POLH: variants seen among roughly 807,000 people sequenced by gnomAD.
The protein encoded by POLH is DNA polymerase eta, also known as DNA polymerase eta transcript.
In POLH, 53 loss-of-function variants were observed where a neutral mutation model predicts 73.6. The ratio of observed to expected loss-of-function variants is 0.72; its 90% CI spans 0.58 to 0.91. The LOEUF is 0.91. POLH is among the 40% of genes least tolerant of loss of function. POLH has a pLI of 0.00. For missense variants in POLH, 768 were observed against 865.4 expected (o/e 0.89, Z 1.41); for synonymous variants, 292 against 308.5 (o/e 0.95, Z 0.56).
At chr6:43,580,824 T>C (rs1764033664) in intron 1 of POLH, among the ~76,000 whole-genome samples, 1 of 130,042 alleles carries the variant, frequency 7.7e-6, no homozygotes. Flanking sequence ...GCTCCTCACT[T>C]CCCAGTAGGG....
chr6:43,610,955 A>G (rs983936097), intron 10 of POLH, among the ~76,000 whole-genome samples: 32 of 152,152 alleles, frequency 2.1e-4, no homozygotes, highest in African/African-American at 7.5e-4. Flanking sequence ...GGCCGGGCGC[A>G]GTGGCTCACG....
intron 2 of POLH, 91 bp from the exon 3 acceptor site, chr6:43,582,916 A>G (rs1764445980): frequency 8.8e-7 from 1 of 1,135,882 alleles, no homozygotes; most frequent in Non-Finnish European, 1.3e-6. Context: ...AAAGTTTCTA[A>G]TATGTTTATA....
At position 43,620,064 on chromosome 6, in the gene POLH, T is replaced by C. The variant is rs1046872075; in HGVS notation, c.*5507T>C. The C allele has an allele frequency of 4.4e-5, 13 of 298,084 alleles. No individual in the cohort carries two copies. Among genetic ancestry groups the C allele is most frequent in the South Asian group, 1.6e-4 (6 of 36,392 alleles). 18.5% of individuals were successfully genotyped at this position (298,084 alleles called of 1,614,324 possible). ...CTAAGGTTTGGTCAAGTGGCCCTCA[T>C]TGTTCCAAGAGTAATTTAGGCTATG... On this transcript the variant is annotated 3_prime_UTR_variant, in exon 11 of 11. Transcript: ENST00000372236.
At chr6:43,582,830 A>G (rs1388722290) in intron 2 of POLH, among the ~76,000 whole-genome samples, 177 bp from the exon 3 acceptor site, 2 of 152,168 alleles carry the variant, frequency 1.3e-5, no homozygotes, top group Admixed American at 6.6e-5. Context: ...TGCCAGCATG[A>G]GCTGCTGTGC....
chr6:43,581,066 TGCC>T (rs1764125919), intron 1 of POLH, among the ~76,000 whole-genome samples: 1 of 126,024 alleles, frequency 7.9e-6, no homozygotes, highest in Non-Finnish European at 1.7e-5. Context: ...ATGGGGTGGC[TGCC>T]GGGCGGAGAG....
At chr6:43,600,342 C>T (rs548419010) in intron 5 of POLH, among the ~76,000 whole-genome samples, 3 of 151,952 alleles carry the variant, frequency 2.0e-5, no homozygotes, top group South Asian at 4.2e-4. Context: ...TGTGTGAACC[C>T]GGTGCGGGGG....
chr6:43,582,302 A>T lies in POLH; in HGVS notation c.-4-14A>T, dbSNP rs372271466. 5 of 1,613,432 alleles carry T rather than the reference A, an allele frequency of 3.1e-6. No individual in the cohort carries two copies. The highest frequency in any genetic ancestry group is 4.2e-6 in the Non-Finnish European group (5 of 1,179,326). On this transcript the variant is annotated splice_polypyrimidine_tract_variant and intron_variant, in intron 1 of 10. Coordinates refer to ENST00000372236, the MANE Select transcript of POLH (RefSeq NM_006502.3). ...AGGTGTTTTTCTAACTGTCCATAAA[A>T]TGTTGTGTTACAGAAAAATGGCTAC... is the stretch of plus-strand genomic sequence containing the variant.
rs1768370963 is a variant in POLH at position 43,616,667 on chromosome 6, G to A, written c.*2110G>A. Among the ~76,000 whole-genome samples the A allele has an allele frequency of 6.6e-6, 1 of 151,994 alleles. No homozygotes were observed. Among genetic ancestry groups the A allele is most frequent in the African/African-American group, 2.4e-5 (1 of 41,372 alleles). Reference sequence around the variant, plus strand: ...GATAATACCTTCACCAGATTTACCTGTTTTCAGCTGAAGAATGTGAGATGA... The same window carrying A: ...GATAATACCTTCACCAGATTTACCTATTTTCAGCTGAAGAATGTGAGATGA... On this transcript the variant is annotated 3_prime_UTR_variant, in exon 11 of 11. Transcript: ENST00000372236.
At chr6:43,585,969 ATCC>A (rs927625428) in intron 3 of POLH, among the ~76,000 whole-genome samples, 2 of 150,906 alleles carry the variant, frequency 1.3e-5, no homozygotes, top group African/African-American at 4.9e-5. Context: ...TTTGAGGCCT[ATCC>A]TCTTCCTAGT....
At chr6:43,592,159 C>T (rs1765525155) in intron 4 of POLH, among the ~76,000 whole-genome samples, 2 of 152,154 alleles carry the variant, frequency 1.3e-5, no homozygotes, top group South Asian at 2.1e-4. Context: ...GGAAATATTT[C>T]ATATCATATT....
At chr6:43,612,338 T>C (rs867364069) in intron 10 of POLH, among the ~76,000 whole-genome samples, 17 of 149,814 alleles carry the variant, frequency 1.1e-4, no homozygotes, top group African/African-American at 3.3e-4. Context: ...CCTGAGGATA[T>C]TGGGATACTT....
intron 10 of POLH, among the ~76,000 whole-genome samples, chr6:43,610,935 T>C (rs1302049047): frequency 2.0e-5 from 3 of 147,828 alleles, no homozygotes; most frequent in African/African-American, 5.3e-5. Context: ...AAAGTTATTA[T>C]TAAAGTATCG....
Position 43,601,096 on chromosome 6 carries a change from G to C in POLH, c.764+5G>C, listed in dbSNP as rs1381487990. 1.9e-6 allele frequency: 3 copies of C among 1,576,902 alleles called. No homozygotes were observed. Among genetic ancestry groups the C allele is most frequent in the Non-Finnish European group, 2.6e-6 (3 of 1,146,152 alleles). ...CCAAATGCCCATTCGCAAAATGTAA[G>C]TATTCAGGCAGCATGTTAAATTTCA... On this transcript the variant is annotated splice_donor_5th_base_variant and intron_variant, in intron 6 of 10. Coordinates refer to ENST00000372236, the MANE Select transcript of POLH (RefSeq NM_006502.3).
intron 2 of POLH, 128 bp downstream of exon 2, chr6:43,582,584 G>A (rs915877317): frequency 3.2e-6 from 3 of 926,868 alleles, no homozygotes; most frequent in Non-Finnish European, 5.3e-6. Context: ...CCAGAGCGCA[G>A]TGGCACCATC....
At chr6:43,609,738 C>T (rs1312236088) in intron 9 of POLH, among the ~76,000 whole-genome samples, 4 of 152,110 alleles carry the variant, frequency 2.6e-5, no homozygotes, top group Non-Finnish European at 4.4e-5. Flanking sequence ...GACTTGAAGC[C>T]TAGTTCCACT....
At chr6:43,591,778 T>C (rs1316399550) in intron 4 of POLH, among the ~76,000 whole-genome samples, 1 of 152,178 alleles carries the variant, frequency 6.6e-6, no homozygotes, top group Non-Finnish European at 1.5e-5. Context: ...CATAAGACAA[T>C]TTTGCATGCA....
intron 3 of POLH, among the ~76,000 whole-genome samples, chr6:43,585,500 A>G (rs951172489): frequency 6.6e-6 from 1 of 152,202 alleles, no homozygotes; most frequent in Non-Finnish European, 1.5e-5. Context: ...TTAGCATACA[A>G]AAAGACAAAA....
chr6:43,582,538 T>C, intron 2 of POLH, 82 bp downstream of exon 2: 1 of 1,397,440 alleles, frequency 7.2e-7, no homozygotes, highest in Non-Finnish European at 1.0e-6. Flanking sequence ...GTGGTGGTGG[T>C]GGTGGTGGTG....
rs146525946 is a variant in POLH at position 43,603,372 on chromosome 6, C to G, written c.765-520C>G. On this transcript the variant is annotated intron_variant, in intron 6 of 10. Coordinates refer to ENST00000372236, the MANE Select transcript of POLH (RefSeq NM_006502.3). ...TCTCAAACTCCTGGGCTCAGGTGAT[C>G]CACTCGCTTCTGCCTCCCAAGTGCT... Among the ~76,000 whole-genome samples, 207 of 152,178 alleles carry G rather than the reference C, an allele frequency of 1.4e-3. 2 individuals are homozygous for G. Among genetic ancestry groups the G allele is most frequent in the African/African-American group, 3.9e-3 (160 of 41,528 alleles).
Sources: gnomAD v4.1 joint callset for allele counts (sites outside exome capture counted in the v4.1 genomes callset) on GRCh38, gnomAD v4.1.1 for gene constraint, MANE v1.5 for transcripts, NCBI Gene and HGNC (gene_info 2026-07-23, HGNC 2026-07-21) for gene names.